Variants in SPATS1 observed in about 807,000 individuals in gnomAD.
SPATS1 encodes the protein spermatogenesis associated serine rich 1, also known as spermatogenesis-associated serine-rich protein 1.
Under a neutral mutation model 33.6 loss-of-function variants are expected in SPATS1, and 23 were observed. That is an observed-to-expected ratio of 0.68 (90% CI 0.49 to 0.97). The LOEUF (loss-of-function observed/expected upper bound fraction) is 0.97. SPATS1 is among the 50% of genes least tolerant of loss of function. SPATS1 has a pLI of 0.00. For missense variants in SPATS1, 327 were observed against 361.0 expected (o/e 0.91, Z 0.76); for synonymous variants, 131 against 125.6 (o/e 1.04, Z -0.29).
Position 44,354,420 on chromosome 6 carries a change from TTAGTTTTTTA to T in SPATS1, c.287+1550_287+1559del, listed in dbSNP as rs889658580. 8.5e-5 allele frequency among the ~76,000 whole-genome samples: 13 copies of T among 152,142 alleles called. 1 individual carries two copies. The highest frequency in any genetic ancestry group is 5.8e-4 in the East Asian group (3 of 5,202). On this transcript the variant is annotated intron_variant, in intron 3 of 8. Coordinates refer to ENST00000674044, the MANE Select transcript of SPATS1 (RefSeq NM_001372081.1). ...TAGAGAATATGTTAACATTTTGATA[TTAGTTTTTTA>T]TATGTGCAAGTAAACATATTTTTTG...
rs1554154773 is a variant in SPATS1 at position 44,372,442 on chromosome 6, T to TTTTA, written c.758+2332_758+2333insATTT. On this transcript the variant is annotated intron_variant, in intron 7 of 8. Transcript: ENST00000674044. ...TTGAGTATTTGGATTTTGTTGTCTT[T>TTTTA]TTTTATTTTATTTTATTTTTTATTT... Among the ~76,000 whole-genome samples the TTTTA allele has an allele frequency of 3.0e-3, 450 of 150,856 alleles. 1 individual carries two copies. The highest frequency in any genetic ancestry group is 0.01 in the African/African-American group (426 of 41,384).
In SPATS1 at chr6:44,355,381, T is replaced by C. The variant is rs561425870; in HGVS notation, c.287+2508T>C. On this transcript the variant is annotated intron_variant, in intron 3 of 8. Transcript: ENST00000674044. ...AATATTCCATTGTCTGGATGTACCA[T>C]AGTTTATTTATTCATTCACTTACTG... 3.9e-5 allele frequency among the ~76,000 whole-genome samples: 6 copies of C among 152,344 alleles called. No individual in the cohort carries two copies. In the East Asian group the frequency reaches 9.6e-4, roughly 24 times the overall value.
At position 44,364,690 on chromosome 6, in the gene SPATS1, CCTTT is replaced by C. The variant is rs1338819985; in HGVS notation, c.574+2699_574+2702del. On this transcript the variant is annotated intron_variant, in intron 5 of 8. Coordinates refer to ENST00000674044, the MANE Select transcript of SPATS1 (RefSeq NM_001372081.1). ...TCAAGCTTGACACTGGATACTTCTTCCTTTGTGAAATTCTCTCCCCACTCTTTCT... is the reference window on the plus strand; with the variant it reads ...TCAAGCTTGACACTGGATACTTCTTCGTGAAATTCTCTCCCCACTCTTTCT... Among the ~76,000 whole-genome samples the C allele has an allele frequency of 2.0e-5, 3 of 152,082 alleles. No homozygotes were observed. In the South Asian group the frequency reaches 6.2e-4, roughly 32 times the overall value.
chr6:44,362,700 C>T (rs1373661945), intron 5 of SPATS1, among the ~76,000 whole-genome samples: 5 of 152,166 alleles, frequency 3.3e-5, no homozygotes, highest in African/African-American at 1.2e-4. Context: ...TTAAAATAGA[C>T]TTAAACTCAC....
Position 44,342,758 on chromosome 6 carries a change from T to G in SPATS1, c.-11T>G. 2.1e-6 allele frequency: 1 copy of G among 485,548 alleles called. No individual in the cohort carries two copies. The highest frequency in any genetic ancestry group is 2.3e-5 in the Admixed American group (1 of 43,072). The allele number at this position is 485,548 out of a possible 1,614,324, so 30.1% of individuals were successfully genotyped here. ...GTGCGTTCGGCAGTTCAGTTGCCAG[T>G]TGGTTCGTTGGTCCGTGGAGGCCTC... On this transcript the variant is annotated 5_prime_UTR_variant, in exon 1 of 9. Coordinates refer to ENST00000674044, the MANE Select transcript of SPATS1 (RefSeq NM_001372081.1).
chr6:44,369,099 T>G (rs570328948), intron 6 of SPATS1, among the ~76,000 whole-genome samples: 2 of 152,092 alleles, frequency 1.3e-5, no homozygotes, highest in Non-Finnish European at 1.5e-5. Context: ...GGTTTCACCA[T>G]GTTAGCCAGG....
At chr6:44,366,030 A>G (rs1358238500) in intron 5 of SPATS1, among the ~76,000 whole-genome samples, 1 of 152,028 alleles carries the variant, frequency 6.6e-6, no homozygotes, top group Non-Finnish European at 1.5e-5. Context: ...TTCCCCCTAA[A>G]AGTAACACCT....
At position 44,361,916 on chromosome 6, in the gene SPATS1, T is replaced by C; in HGVS notation, c.498T>C (p.Phe166=). ...HTYHVGKQCF[F]NGVFLGNKRS... is the part of the protein sequence containing the mutation. ...ACCACGTCGGAAAGCAGTGCTTCTT[T>C]AATGGAGTCTTCCTCGGCAACAAGA... The change falls in exon 5 of 9, where the codon TTT becomes TTC. Residue 166 remains phenylalanine, a synonymous_variant. Coordinates refer to ENST00000674044, the MANE Select transcript of SPATS1 (RefSeq NM_001372081.1). The C allele has an allele frequency of 6.2e-7, 1 of 1,614,236 alleles. No individual in the cohort carries two copies. Among genetic ancestry groups the C allele is most frequent in the Non-Finnish European group, 8.5e-7 (1 of 1,180,040 alleles).
chr6:44,376,933 T>C, intron 8 of SPATS1, 102 bp from the exon 9 acceptor site: 6 of 1,354,740 alleles, frequency 4.4e-6, no homozygotes, highest in Non-Finnish European at 6.3e-6. Context: ...GGTGGTCTCA[T>C]GGGCAGATGT....
At chr6:44,361,561 A>G in intron 4 of SPATS1, 1 of 982,130 alleles carries the variant, frequency 1.0e-6, no homozygotes, top group Non-Finnish European at 1.2e-6. Flanking sequence ...ACTTCCAAAC[A>G]TAAAGTTGGC....
At chr6:44,370,010 G>C in intron 6 of SPATS1, 41 bp from the exon 7 acceptor site, 4 of 1,475,426 alleles carry the variant, frequency 2.7e-6, no homozygotes, top group Non-Finnish European at 3.8e-6. Flanking sequence ...CTTTGCTGTA[G>C]ATGGCATACC....
At chr6:44,364,920 C>T (rs560511409) in intron 5 of SPATS1, among the ~76,000 whole-genome samples, 2 of 152,170 alleles carry the variant, frequency 1.3e-5, no homozygotes, top group African/African-American at 4.8e-5. Flanking sequence ...GTCTCAGCCT[C>T]CTGGGATTAC....
At chr6:44,365,200 A>G (rs1038903100) in intron 5 of SPATS1, among the ~76,000 whole-genome samples, 2 of 152,244 alleles carry the variant, frequency 1.3e-5, no homozygotes, top group Non-Finnish European at 2.9e-5. Context: ...CAATCAAAAT[A>G]TCTTTAAATA....
chr6:44,367,124 A>T (rs1364387238), intron 5 of SPATS1, among the ~76,000 whole-genome samples: 1 of 152,096 alleles, frequency 6.6e-6, no homozygotes, highest in African/African-American at 2.4e-5. Context: ...GTCTCATTCT[A>T]TTTCCCAGGC....
intron 2 of SPATS1, among the ~76,000 whole-genome samples, chr6:44,350,807 C>T (rs949555349): frequency 6.6e-6 from 1 of 152,256 alleles, no homozygotes; most frequent in East Asian, 1.9e-4. Flanking sequence ...ATTCGACCAA[C>T]TGCCCATAGT....
At chr6:44,370,185 TGGAGGA>T in intron 7 of SPATS1, 72 bp downstream of exon 7, 1 of 1,410,172 alleles carries the variant, frequency 7.1e-7, no homozygotes, top group Non-Finnish European at 9.9e-7. Context: ...TTTCCTTATG[TGGAGGA>T]GCAGGTAGAT....
At chr6:44,370,203 ACC>A in intron 7 of SPATS1, 90 bp downstream of exon 7, 1 of 1,229,540 alleles carries the variant, frequency 8.1e-7, no homozygotes, top group Non-Finnish European at 1.2e-6. Flanking sequence ...CAGGTAGATA[ACC>A]AGGACACAGG....
chr6:44,358,470 G>A (rs529811834), intron 3 of SPATS1, among the ~76,000 whole-genome samples: 26 of 152,088 alleles, frequency 1.7e-4, no homozygotes, highest in East Asian at 5.8e-4. Flanking sequence ...TTATTTCTTC[G>A]TCTTCTTTAC....
At chr6:44,363,390 C>T (rs910606890) in intron 5 of SPATS1, among the ~76,000 whole-genome samples, 3 of 152,174 alleles carry the variant, frequency 2.0e-5, no homozygotes, top group Non-Finnish European at 2.9e-5. Context: ...AGCGATTAGC[C>T]GGCCTTGGCC....
Sources: allele counts gnomAD v4.1 joint callset (sites outside exome capture counted in the v4.1 genomes callset), GRCh38; gene constraint gnomAD v4.1.1; transcripts MANE v1.5; gene names NCBI Gene and HGNC (gene_info 2026-07-23, HGNC 2026-07-21).